Variants in RP1 observed in about 807,000 individuals in gnomAD.
RP1 encodes RP1 axonemal microtubule associated.
RP1 carries 16 observed loss-of-function variants against 14.8 expected under a neutral mutation model. The observed-to-expected ratio is 1.08, with a 90% confidence interval of 0.73 to 1.65. RP1 has a LOEUF of 1.65. RP1 is among the 40% of genes most tolerant of loss of function. The pLI is 0.00. For synonymous variants in RP1, 876 were observed against 883.6 expected (o/e 0.99, Z 0.15); for missense variants, 2,631 against 2,535.0 (o/e 1.04, Z -0.81).
At position 54,571,294 on chromosome 8, in the gene RP1, C is replaced by T. The variant is rs185303832; in HGVS notation, c.-13+11974C>T. 3.3e-4 allele frequency among the ~76,000 whole-genome samples: 50 copies of T among 152,370 alleles called. No individual in the cohort carries two copies. In the East Asian group the frequency reaches 9.5e-3, roughly 29 times the overall value. ...AGGACAGCCTCTGTTCCACAGCACA[C>T]ATCACACTTGCAGTCACTTTTATAG... is the stretch of plus-strand genomic sequence containing the variant. On this transcript the variant is annotated intron_variant, in intron 1 of 22. Transcript: ENST00000636932.
exon 13 of RP1, chr8:54,699,512 A>G (rs141681432): frequency 0.013 from 17,771 of 1,404,836 alleles, 170 homozygotes; most frequent in South Asian, 0.021. Context: ...TGCATTTTCC[A>G]AAGTCATGAG....
intron 19 of RP1, among the ~76,000 whole-genome samples, chr8:54,742,493 A>G (rs996166423): frequency 1.4e-4 from 22 of 152,200 alleles, no homozygotes; most frequent in African/African-American, 5.3e-4. Context: ...ATAGTTCAGG[A>G]ACAGGTAAAT....
chr8:54,727,888 T>G (rs1041958261), intron 17 of RP1, among the ~76,000 whole-genome samples: 1 of 151,764 alleles, frequency 6.6e-6, no homozygotes, highest in African/African-American at 2.4e-5. Flanking sequence ...AGTCAATAAT[T>G]AATTGTAAAA....
chr8:54,629,082 G>A lies in RP1; in HGVS notation c.5200G>A (p.Asp1734Asn), dbSNP rs755770340. ...KQNDDSRILT[D>N]IEEGVLIDKG... ...AAATGATGATAGCAGAATCCTCACAGACATAGAGGAAGGAGTACTGATTGA... is the reference window on the plus strand; with the variant it reads ...AAATGATGATAGCAGAATCCTCACAAACATAGAGGAAGGAGTACTGATTGA... Residue 1734 changes from aspartate to asparagine, a missense_variant, in exon 4 of 4, where the codon GAC becomes AAC. Physicochemically the swap from Asp to Asn is conservative, Grantham distance 23 (BLOSUM62 1). Coordinates refer to ENST00000220676, the MANE Select transcript of RP1 (RefSeq NM_006269.2). 1.2e-6 allele frequency: 2 copies of A among 1,614,016 alleles called. No individual in the cohort carries two copies. Among genetic ancestry groups the A allele is most frequent in the Admixed American group, 3.3e-5 (2 of 60,006 alleles).
intron 7 of RP1, among the ~76,000 whole-genome samples, chr8:54,666,753 G>T (rs918904229): frequency 6.6e-6 from 1 of 151,732 alleles, no homozygotes; most frequent in African/African-American, 2.4e-5. Flanking sequence ...AATTTTCCTT[G>T]CTTACTCTGC....
chr8:54,734,521 C>T (rs1457909074), intron 17 of RP1: 1 of 1,520,708 alleles, frequency 6.6e-7, no homozygotes, highest in Non-Finnish European at 8.8e-7. Flanking sequence ...TCTGATCTGC[C>T]ACTAATGCTT....
chr8:54,857,907 T>C (rs1290730406), intron 27 of RP1, among the ~76,000 whole-genome samples: 1 of 152,216 alleles, frequency 6.6e-6, no homozygotes, highest in African/African-American at 2.4e-5. Flanking sequence ...ACTTCAGTTC[T>C]ACTGCTAAAA....
At chr8:54,594,949 T>C (rs1055991394) in intron 1 of RP1, among the ~76,000 whole-genome samples, 12 of 152,162 alleles carry the variant, frequency 7.9e-5, no homozygotes, top group African/African-American at 2.7e-4. Flanking sequence ...TTGAAGAGAA[T>C]ATCTACTTTT....
At chr8:54,706,443 G>C (rs144110898) in exon 15 of RP1, 6 of 1,535,764 alleles carry the variant, frequency 3.9e-6, no homozygotes, top group Non-Finnish European at 5.2e-6. Flanking sequence ...TGCTCTGAAG[G>C]GGGTGTTCCT....
chr8:54,652,594 T>C (rs1369783339), intron 4 of RP1, among the ~76,000 whole-genome samples: 3 of 152,200 alleles, frequency 2.0e-5, no homozygotes, highest in Non-Finnish European at 2.9e-5. Context: ...TCTGTTTCTC[T>C]ATTCAGTTCT....
At chr8:54,738,308 C>T (rs775132677) in intron 18 of RP1, among the ~76,000 whole-genome samples, 23 of 152,156 alleles carry the variant, frequency 1.5e-4, no homozygotes, top group Non-Finnish European at 3.1e-4. Flanking sequence ...AGCTAGGCTT[C>T]CAGTTGAGCT....
intron 7 of RP1, among the ~76,000 whole-genome samples, chr8:54,667,200 G>A (rs764818788): frequency 6.6e-6 from 1 of 152,076 alleles, no homozygotes; most frequent in Non-Finnish European, 1.5e-5. Context: ...AGAGGAACTT[G>A]TGCTTTTGTT....
chr8:54,687,483 C>A (rs1213728678), intron 12 of RP1, among the ~76,000 whole-genome samples: 1 of 152,056 alleles, frequency 6.6e-6, no homozygotes, highest in African/African-American at 2.4e-5. Flanking sequence ...CTGACAGGCC[C>A]CGGTTTGTGA....
intron 24 of RP1, among the ~76,000 whole-genome samples, chr8:54,814,052 T>G (rs1412465846): frequency 6.6e-6 from 1 of 152,174 alleles, no homozygotes; most frequent in Non-Finnish European, 1.5e-5. Context: ...GGATTTAAAA[T>G]AACTTATGTA....
intron 24 of RP1, chr8:54,783,843 A>C: frequency 2.0e-6 from 1 of 506,964 alleles, no homozygotes; most frequent in East Asian, 3.5e-5. Context: ...TGTATGTGGC[A>C]TGTTTTATCC....
intron 5 of RP1, among the ~76,000 whole-genome samples, chr8:54,653,797 T>C (rs1388344881): frequency 6.6e-6 from 1 of 152,212 alleles, no homozygotes; most frequent in African/African-American, 2.4e-5. Flanking sequence ...TATAGAGCTT[T>C]TGAAGTATGA....
chr8:54,674,004 A>G (rs986745485), intron 8 of RP1: 1 of 1,153,872 alleles, frequency 8.7e-7, no homozygotes, highest in Non-Finnish European at 1.2e-6. Context: ...AAATCTAGAA[A>G]ATACTGTGGA....
exon 23 of RP1, chr8:54,769,889 C>A: frequency 1.2e-6 from 1 of 820,648 alleles, no homozygotes; most frequent in Non-Finnish European, 1.9e-6. Context: ...CAGTTTTCCT[C>A]AGAACATCCC....
intron 24 of RP1, among the ~76,000 whole-genome samples, chr8:54,811,150 C>A (rs1810984721): frequency 6.6e-6 from 1 of 152,152 alleles, no homozygotes; most frequent in Non-Finnish European, 1.5e-5. Flanking sequence ...TGATCTTGAA[C>A]AAGCACATAG....
Sources: allele counts gnomAD v4.1 joint callset (sites outside exome capture counted in the v4.1 genomes callset), GRCh38; gene constraint gnomAD v4.1.1; transcripts MANE v1.5; gene names NCBI Gene and HGNC (gene_info 2026-07-23, HGNC 2026-07-21).